Variants in ANLN observed in about 807,000 individuals in gnomAD.
ANLN encodes the protein anillin.
In ANLN, 59 loss-of-function variants were observed where a neutral mutation model predicts 135.1. The ratio of observed to expected loss-of-function variants is 0.44; its 90% CI spans 0.35 to 0.54. ANLN has a LOEUF of 0.54. Ranked by LOEUF, ANLN falls within the 20% of genes least tolerant of loss-of-function variation. The pLI, the probability that ANLN is intolerant of heterozygous loss-of-function variation, is 0.00. For synonymous variants in ANLN, 406 were observed against 456.4 expected, an observed-to-expected ratio of 0.89 and a Z score of 1.41; for missense variants, 1,182 against 1,340.0, an observed-to-expected ratio of 0.88 and a Z score of 1.84.
At chr7:36,435,390 G>C (rs900560953) in intron 20 of ANLN, among the ~76,000 whole-genome samples, 15 of 151,440 alleles carry the variant, frequency 9.9e-5, no homozygotes, top group Admixed American at 9.2e-4. Flanking sequence ...GATGGTGGGG[G>C]GGGGGTCTCA....
At position 36,443,783 on chromosome 7, in the gene ANLN, G is replaced by C. The variant is rs1295953959; in HGVS notation, c.2999G>C (p.Gly1000Ala). ...ATATTTGAAGATGTTAGTGGTTTTG[G>C]TGCCTGGCATCGAAGATGGTGTGTT... Reference protein sequence around the residue: ...LTIFEDVSGFGAWHRRWCVLS... With the variant: ...LTIFEDVSGFAAWHRRWCVLS... The change falls in exon 22 of 24, where the codon GGT (glycine) becomes GCT (alanine). Residue 1000 changes from glycine (G) to alanine (A), a missense_variant. Gly to Ala is a moderately conservative substitution (Grantham distance 60). This residue lies in a region of ANLN where 82 missense variants were observed against 133.3 expected (regional missense o/e 0.62). Transcript: ENST00000265748. 1 of 1,612,612 alleles carries C rather than the reference G, an allele frequency of 6.2e-7. No individual in the cohort carries two copies. The highest frequency in any genetic ancestry group is 1.7e-5 in the Admixed American group (1 of 59,946).
intron 10 of ANLN, among the ~76,000 whole-genome samples, chr7:36,419,850 C>T (rs754258621): frequency 7.8e-4 from 119 of 152,134 alleles, no homozygotes; most frequent in Non-Finnish European, 1.5e-3. Context: ...ATTAGTATAT[C>T]GGTAGTTAGC....
chr7:36,419,561 T>G, intron 10 of ANLN, 82 bp downstream of exon 10: 1 of 1,201,652 alleles, frequency 8.3e-7, no homozygotes, highest in Non-Finnish European at 1.2e-6. Flanking sequence ...TGTTGACAGA[T>G]GGACATTTGG....
Position 36,407,771 on chromosome 7 carries a change from C to G in ANLN, c.911C>G (p.Thr304Ser). 6.2e-7 allele frequency: 1 copy of G among 1,613,672 alleles called. No individual in the cohort carries two copies. Among genetic ancestry groups the G allele is most frequent in the Non-Finnish European group, 8.5e-7 (1 of 1,179,728 alleles). Reference sequence around the variant, plus strand: ...CCAGTGAAATCTACTACATCTATCACTGATGCTAAAAGTTGTGAGGGACAA... The same window carrying G: ...CCAGTGAAATCTACTACATCTATCAGTGATGCTAAAAGTTGTGAGGGACAA... ...TSPVKSTTSI[T>S]DAKSCEGQNP... The change falls in exon 5 of 24, where the codon ACT becomes AGT. Residue 304 changes from threonine to serine, a missense_variant. By Grantham distance (58) the Thr-to-Ser change is moderately conservative. Around this residue, in one of 3 missense-constraint regions of ANLN, gnomAD observed 1,022 missense variants for 1,134.0 expected, o/e 0.90. Transcript: ENST00000265748.
intron 23 of ANLN, among the ~76,000 whole-genome samples, chr7:36,451,617 G>A (rs764120970): frequency 1.3e-5 from 2 of 152,190 alleles, no homozygotes; most frequent in African/African-American, 4.8e-5. Context: ...TCCAGTACAT[G>A]GAATGAGCTT....
At chr7:36,445,355 T>A (rs1788955160) in intron 22 of ANLN, among the ~76,000 whole-genome samples, 1 of 152,106 alleles carries the variant, frequency 6.6e-6, no homozygotes, top group Non-Finnish European at 1.5e-5. Flanking sequence ...ATTTTGGATG[T>A]TTAACCTGTA....
At chr7:36,400,462 C>G (rs567669097) in intron 3 of ANLN, among the ~76,000 whole-genome samples, 31 of 152,204 alleles carry the variant, frequency 2.0e-4, no homozygotes, top group African/African-American at 6.3e-4. Flanking sequence ...CAGGTTCAAG[C>G]GATTCTCATG....
At chr7:36,398,477 A>G (rs1413063064) in intron 2 of ANLN, among the ~76,000 whole-genome samples, 6 of 152,204 alleles carry the variant, frequency 3.9e-5, no homozygotes, top group Non-Finnish European at 8.8e-5. Flanking sequence ...TTATCTGAAG[A>G]TGAGGTGATT....
At chr7:36,411,493 T>C (rs1268390432) in intron 7 of ANLN, among the ~76,000 whole-genome samples, 4 of 152,238 alleles carry the variant, frequency 2.6e-5, no homozygotes, top group Non-Finnish European at 5.9e-5. Context: ...TCTACTTTTC[T>C]CAATGATGAC....
At chr7:36,439,535 A>G (rs890323163) in intron 21 of ANLN, among the ~76,000 whole-genome samples, 2 of 152,260 alleles carry the variant, frequency 1.3e-5, no homozygotes, top group Admixed American at 6.5e-5. Flanking sequence ...CAAGCACAAT[A>G]TAATACTCTA....
At chr7:36,390,927 A>G (rs1786424416) in intron 1 of ANLN, among the ~76,000 whole-genome samples, 1 of 152,170 alleles carries the variant, frequency 6.6e-6, no homozygotes, top group South Asian at 2.1e-4. Flanking sequence ...GCAAATTTCA[A>G]ACTGTTAGTT....
In ANLN at chr7:36,423,711, A is replaced by G. The variant is rs186862305; in HGVS notation, c.2477-106A>G. On this transcript the variant is annotated intron_variant, in intron 14 of 23. Transcript: ENST00000265748. ...TTTAGTAATTTTAAAAATAAATTGT[A>G]TATAAATCAGTTCAATATTCCTTTA... 9,215 of 1,075,212 alleles carry G rather than the reference A, an allele frequency of 8.6e-3. 53 individuals carry two copies. Among genetic ancestry groups the G allele is most frequent in the Non-Finnish European group, 0.011 (8,499 of 793,556 alleles). The allele number at this position is 1,075,212 out of a possible 1,614,324, so 66.6% of individuals were successfully genotyped here.
intron 1 of ANLN, among the ~76,000 whole-genome samples, chr7:36,395,580 A>G (rs1786658414): frequency 6.6e-6 from 1 of 152,182 alleles, no homozygotes. Flanking sequence ...GGGTATTAGG[A>G]CAAAAAATCT....
Position 36,453,689 on chromosome 7 carries a change from AT to A in ANLN, c.*1093del, listed in dbSNP as rs1486205468. The A allele has an allele frequency of 6.6e-6, 1 of 152,404 alleles. No homozygotes were observed. Among genetic ancestry groups the A allele is most frequent in the Non-Finnish European group, 1.5e-5 (1 of 67,992 alleles). 9.4% of individuals were successfully genotyped at this position (152,404 alleles called of 1,614,324 possible). ...ACACTAAATTCTGTCACCTCCTGTC[AT>A]TTTATTTTTTATTCATTCAAATGTA... On this transcript the variant is annotated 3_prime_UTR_variant, in exon 24 of 24. Transcript: ENST00000265748.
At position 36,399,193 on chromosome 7, in the gene ANLN, G is replaced by A; in HGVS notation, c.287G>A (p.Cys96Tyr). Residue 96 changes from cysteine to tyrosine, a missense_variant, in exon 3 of 24, where the codon TGT (cysteine) becomes TAT (tyrosine). Physicochemically the swap from Cys to Tyr is radical, Grantham distance 194. Coordinates refer to ENST00000265748, the MANE Select transcript of ANLN (RefSeq NM_018685.5). ...GTTGAGTCGACATCTGCAAAATCTT[G>A]TTCTCCAAGTCCTGTGTCTCCTCAG... Reference protein sequence around the residue: ...QPVESTSAKSCSPSPVSPQVQ... With the variant: ...QPVESTSAKSYSPSPVSPQVQ... The A allele has an allele frequency of 6.2e-7, 1 of 1,614,064 alleles. No individual in the cohort carries two copies. The highest frequency in any genetic ancestry group is 1.1e-5 in the South Asian group (1 of 91,078).
At position 36,417,061 on chromosome 7, in the gene ANLN, C is replaced by A. The variant is rs1365509424; in HGVS notation, c.1523-19C>A. On this transcript the variant is annotated intron_variant, in intron 8 of 23. Coordinates refer to ENST00000265748, the MANE Select transcript of ANLN (RefSeq NM_018685.5). ...AGGTTCTTATATATATTAATATGGT[C>A]TTTCTTAAACATTTTTAGGTTTCAC... 1 of 1,391,556 alleles carries A rather than the reference C, an allele frequency of 7.2e-7. No homozygotes were observed. The highest frequency in any genetic ancestry group is 2.3e-5 in the East Asian group (1 of 43,186). The allele number at this position is 1,391,556 out of a possible 1,614,324, so 86.2% of individuals were successfully genotyped here.
rs1786965830 is a variant in ANLN at position 36,401,826 on chromosome 7, CT to C, written c.487+2434del. On this transcript the variant is annotated intron_variant, in intron 3 of 23. Transcript: ENST00000265748. ...AATTGAGGACTAGCTAAAACAGGGC[CT>C]GGGGGAAGCAGCTTTCCAGTGACAT... is the stretch of plus-strand genomic sequence containing the variant. Among the ~76,000 whole-genome samples the C allele has an allele frequency of 1.7e-5, 2 of 117,810 alleles. 1 individual carries two copies. The highest frequency in any genetic ancestry group is 7.2e-5 in the African/African-American group (2 of 27,784). The allele number at this position is 117,810 out of a possible 152,430, so 77.3% of individuals were successfully genotyped here.
In ANLN at chr7:36,410,649, T is replaced by G; in HGVS notation, c.1232T>G (p.Leu411Ter). ...AATACAAAGGCCATCCAAGAAAGATTATTCAAGCAAGACACATCTTCATCT... is the reference window on the plus strand; with the variant it reads ...AATACAAAGGCCATCCAAGAAAGATGATTCAAGCAAGACACATCTTCATCT... Reference protein sequence around the residue: ...TPNTKAIQERLFKQDTSSSTT... With the variant: ...TPNTKAIQER Residue 411 changes from leucine to a stop codon, truncating the protein, a stop_gained, in exon 6 of 24, where the codon TTA becomes TGA. Coordinates refer to ENST00000265748, the MANE Select transcript of ANLN (RefSeq NM_018685.5). LOFTEE classifies it high-confidence loss of function. 1 of 1,614,102 alleles carries G rather than the reference T, an allele frequency of 6.2e-7. No homozygotes were observed. The highest frequency in any genetic ancestry group is 8.5e-7 in the Non-Finnish European group (1 of 1,180,008).
rs1786845490 is a variant in ANLN, at chr7:36,399,403, G to T, written c.487+10G>T. On this transcript the variant is annotated intron_variant, in intron 3 of 23. Coordinates refer to ENST00000265748, the MANE Select transcript of ANLN (RefSeq NM_018685.5). ...AATGATGATATGACAGGTATGAATT[G>T]TATAGATGGTATGGCCCATACATCT... 1.3e-6 allele frequency: 2 copies of T among 1,581,366 alleles called. No homozygotes were observed. The highest frequency in any genetic ancestry group is 2.3e-5 in the South Asian group (2 of 85,812).
Sources: allele counts gnomAD v4.1 joint callset (sites outside exome capture counted in the v4.1 genomes callset), GRCh38; gene constraint gnomAD v4.1.1; regional missense constraint gnomAD v4.1.1; transcripts MANE v1.5; gene names NCBI Gene and HGNC (gene_info 2026-07-23, HGNC 2026-07-21).